XPO6: variants seen among roughly 807,000 people sequenced by gnomAD.
XPO6 encodes exportin-6.
In XPO6, 3 loss-of-function variants were observed where a neutral mutation model predicts 130.0. The observed-to-expected ratio is 0.02, with a 90% CI of 0.01 to 0.06. The LOEUF (loss-of-function observed/expected upper bound fraction) is 0.06. Ranked by LOEUF, XPO6 falls within the 10% of genes least tolerant of loss-of-function variation. The pLI is 1.00. For synonymous variants in XPO6, 524 were observed against 548.9 expected, an observed-to-expected ratio of 0.95 and a Z score of 0.63; for missense variants, 970 against 1,393.0, an observed-to-expected ratio of 0.70 and a Z score of 4.83.
At chr16:28,184,141 G>C (rs1012174646) in intron 1 of XPO6, among the ~76,000 whole-genome samples, 5 of 152,180 alleles carry the variant, frequency 3.3e-5, no homozygotes, top group African/African-American at 9.7e-5. Flanking sequence ...AAGGGACAAA[G>C]AACATAAAAC....
chr16:28,129,624 T>C (rs2042627262), intron 12 of XPO6, among the ~76,000 whole-genome samples: 1 of 152,210 alleles, frequency 6.6e-6, no homozygotes. Flanking sequence ...TTAAACATAA[T>C]TTAGTCTTCT....
chr16:28,175,807 CTAAT>C (rs2043525485), intron 4 of XPO6, 87 bp downstream of exon 4: 17 of 1,190,190 alleles, frequency 1.4e-5, no homozygotes, highest in Non-Finnish European at 2.1e-5. Flanking sequence ...TTCCAAACTG[CTAAT>C]CTTAAAAGTC....
chr16:28,186,371 A>ATTTTTTTTTTTTTTTTTTTTTTTTT lies in XPO6; in HGVS notation c.4-5341_4-5340insAAAAAAAAAAAAAAAAAAAAAAAAA, dbSNP rs1237138991. Among the ~76,000 whole-genome samples the ATTTTTTTTTTTTTTTTTTTTTTTTT allele has an allele frequency of 3.0e-4, 3 of 10,130 alleles. 1 individual carries two copies. The highest frequency in any genetic ancestry group is 5.9e-4 in the Non-Finnish European group (3 of 5,076). The allele number at this position is 10,130 out of a possible 152,430, so 6.6% of individuals were successfully genotyped here. ...AAATATAGATTTTTCTGCCCCAGTT[A>ATTTTTTTTTTTTTTTTTTTTTTTTT]TTCTTTTTTTTTTTTTTTTTGCTAA... is the stretch of plus-strand genomic sequence containing the variant. On this transcript the variant is annotated intron_variant, in intron 1 of 23. Coordinates refer to ENST00000304658, the MANE Select transcript of XPO6 (RefSeq NM_015171.4).
intron 15 of XPO6, among the ~76,000 whole-genome samples, chr16:28,114,979 A>G (rs914380194): frequency 6.6e-6 from 1 of 152,216 alleles, no homozygotes; most frequent in Non-Finnish European, 1.5e-5. Context: ...CCATCTGTTC[A>G]AGCTTGATCC....
At chr16:28,113,579 G>A (rs924218612) in intron 15 of XPO6, among the ~76,000 whole-genome samples, 6 of 152,148 alleles carry the variant, frequency 3.9e-5, no homozygotes, top group African/African-American at 1.4e-4. Flanking sequence ...CCTAATGCTG[G>A]TAAGACTAAG....
At chr16:28,159,143 T>C (rs11859289) in intron 6 of XPO6, among the ~76,000 whole-genome samples, 10,751 of 151,938 alleles carry the variant, frequency 0.071, 1,206 homozygotes, top group African/African-American at 0.24. Context: ...AGTGGGAGGA[T>C]CGCTTGAGCC....
chr16:28,100,237 G>A (rs572528898), intron 23 of XPO6, among the ~76,000 whole-genome samples: 3 of 152,224 alleles, frequency 2.0e-5, no homozygotes, highest in African/African-American at 2.4e-5. Context: ...TGATCCGCCC[G>A]CCTTGGCCTC....
At chr16:28,143,425 G>C (rs2042930458) in intron 9 of XPO6, among the ~76,000 whole-genome samples, 2 of 152,202 alleles carry the variant, frequency 1.3e-5, no homozygotes, top group African/African-American at 4.8e-5. Context: ...TCCTGCAAGA[G>C]AAGTGTTAAG....
chr16:28,187,552 A>T (rs1446252784), intron 1 of XPO6, among the ~76,000 whole-genome samples: 2 of 151,756 alleles, frequency 1.3e-5, no homozygotes, highest in African/African-American at 4.8e-5. Context: ...TCATTCTGAG[A>T]ATTAAATAAA....
At chr16:28,129,245 A>G (rs1476440988) in intron 12 of XPO6, among the ~76,000 whole-genome samples, 1 of 152,128 alleles carries the variant, frequency 6.6e-6, no homozygotes, top group East Asian at 1.9e-4. Context: ...ACCCCAAATC[A>G]AATTCTCTAC....
intron 14 of XPO6, 104 bp from the exon 15 acceptor site, chr16:28,117,566 G>A (rs922331717): frequency 3.7e-6 from 5 of 1,362,016 alleles, no homozygotes; most frequent in Admixed American, 2.1e-5. Flanking sequence ...TGCATTTGCT[G>A]TTCTAAGACA....
chr16:28,152,573 A>T, intron 8 of XPO6, 86 bp downstream of exon 8: 4 of 1,480,774 alleles, frequency 2.7e-6, no homozygotes, highest in Non-Finnish European at 3.6e-6. Flanking sequence ...TTGGAAAATA[A>T]AGTTGAAAGA....
At chr16:28,175,015 C>G (rs2043511570) in intron 4 of XPO6, among the ~76,000 whole-genome samples, 1 of 152,174 alleles carries the variant, frequency 6.6e-6, no homozygotes, top group African/African-American at 2.4e-5. Context: ...AAAGAAGGAA[C>G]ACACAAATTT....
chr16:28,200,455 T>C (rs576437658), intron 1 of XPO6, among the ~76,000 whole-genome samples: 1 of 152,284 alleles, frequency 6.6e-6, no homozygotes, highest in Non-Finnish European at 1.5e-5. Context: ...CAGCTACCAC[T>C]GTGCCCTCAA....
At chr16:28,117,804 A>G (rs2087107823) in intron 14 of XPO6, among the ~76,000 whole-genome samples, 1 of 152,212 alleles carries the variant, frequency 6.6e-6, no homozygotes, top group South Asian at 2.1e-4. Flanking sequence ...AACTAGTACA[A>G]ATTTAACATT....
At chr16:28,118,322 C>T (rs1268392888) in intron 14 of XPO6, among the ~76,000 whole-genome samples, 2 of 152,150 alleles carry the variant, frequency 1.3e-5, no homozygotes, top group Non-Finnish European at 2.9e-5. Flanking sequence ...GGCTTTCCCT[C>T]CTCTCATCCT....
chr16:28,207,999 A>AC (rs1157336489), intron 1 of XPO6, among the ~76,000 whole-genome samples: 4 of 128,322 alleles, frequency 3.1e-5, no homozygotes, highest in African/African-American at 1.2e-4. Flanking sequence ...ACAAAACAAA[A>AC]AAAAAAACTA....
chr16:28,113,160 C>T (rs1843444045), intron 15 of XPO6, 110 bp from the exon 16 acceptor site: 1 of 1,346,322 alleles, frequency 7.4e-7, no homozygotes, highest in East Asian at 2.6e-5. Context: ...CAAATTACAC[C>T]ACCTAGGCCC....
At position 28,172,433 on chromosome 16, in the gene XPO6, C is replaced by T. The variant is rs142182324; in HGVS notation, c.406-2524G>A. On this transcript the variant is annotated intron_variant, in intron 4 of 23. Transcript: ENST00000304658. ...GAAACAGCAATTCTCTCCTATGCTG[C>T]TTGCCCCTTAAGTCTCTAGCCCCAC... Among the ~76,000 whole-genome samples the T allele has an allele frequency of 3.2e-3, 482 of 152,266 alleles. 6 individuals carry two copies. Among genetic ancestry groups the T allele is most frequent in the African/African-American group, 0.011 (468 of 41,550 alleles).
Sources: allele counts gnomAD v4.1 joint callset (sites outside exome capture counted in the v4.1 genomes callset), GRCh38; gene constraint gnomAD v4.1.1; transcripts MANE v1.5; gene names NCBI Gene and HGNC (gene_info 2026-07-23, HGNC 2026-07-21).